The following BOD1L1 variants were observed in gnomAD, a reference collection of about 807,000 sequenced individuals.
The protein encoded by BOD1L1 is biorientation of chromosomes in cell division 1 like 1.
In BOD1L1, 86 loss-of-function variants were observed where a neutral mutation model predicts 240.7. The observed-to-expected ratio is 0.36, with a 90% CI of 0.30 to 0.43. BOD1L1 has a LOEUF of 0.43. Ranked by LOEUF, BOD1L1 falls within the 20% of genes least tolerant of loss-of-function variation. The probability of loss-of-function intolerance (pLI) is 1.00; values close to 1 mark genes in which losing one functional copy is unlikely to be tolerated. For synonymous variants in BOD1L1, 1,268 were observed against 1,272.3 expected, an observed-to-expected ratio of 1.00 and a Z score of 0.07; for missense variants, 3,554 against 3,643.5, an observed-to-expected ratio of 0.98 and a Z score of 0.63.
Position 13,601,328 on chromosome 4 carries a change from T to A in BOD1L1, c.5572A>T (p.Thr1858Ser), listed in dbSNP as rs139832214. The A allele has an allele frequency of 6.2e-7, 1 of 1,614,042 alleles. No homozygotes were observed. The highest frequency in any genetic ancestry group is 8.5e-7 in the Non-Finnish European group (1 of 1,179,906). The part of the protein sequence containing the change: ...PCDDEGIVTS[T>S]GAKEEDEEGE... ...TCCTCGTCTTCCTCTTTTGCGCCTGTGCTAGTCACAATGCCTTCATCATCA... is the reference window on the plus strand; with the variant it reads ...TCCTCGTCTTCCTCTTTTGCGCCTGAGCTAGTCACAATGCCTTCATCATCA... The change falls in exon 10 of 26, where the codon ACA (threonine) becomes TCA (serine). Residue 1858 changes from threonine (T) to serine (S), a missense_variant. Thr to Ser is a moderately conservative substitution (Grantham distance 58). Transcript: ENST00000040738.
At chr4:13,605,247 T>TA (rs1715600361) in intron 9 of BOD1L1, among the ~76,000 whole-genome samples, 163 bp from the exon 10 acceptor site, 2 of 152,122 alleles carry the variant, frequency 1.3e-5, no homozygotes, top group South Asian at 4.1e-4. Context: ...CACCTGATTT[T>TA]AAAAAATAAG....
At chr4:13,576,780 A>G in intron 25 of BOD1L1, 58 bp downstream of exon 25, 7 of 1,552,438 alleles carry the variant, frequency 4.5e-6, no homozygotes, top group East Asian at 2.3e-5. Flanking sequence ...AACCCAGAGC[A>G]ATTTTCAGAT....
intron 10 of BOD1L1, among the ~76,000 whole-genome samples, chr4:13,597,749 G>A (rs1714739120): frequency 6.6e-6 from 1 of 152,190 alleles, no homozygotes; most frequent in Non-Finnish European, 1.5e-5. Flanking sequence ...AAGGAGGAAT[G>A]AGTAATTGTA....
At chr4:13,619,672 C>A (rs898080628) in intron 2 of BOD1L1, among the ~76,000 whole-genome samples, 2 of 152,082 alleles carry the variant, frequency 1.3e-5, no homozygotes, top group African/African-American at 4.8e-5. Flanking sequence ...AATATTATAT[C>A]TAGATTTTTT....
chr4:13,571,619 G>A (rs920950398), intron 25 of BOD1L1, among the ~76,000 whole-genome samples: 1 of 152,152 alleles, frequency 6.6e-6, no homozygotes, highest in Non-Finnish European at 1.5e-5. Context: ...GTTTATCCAG[G>A]CCCTTCTAGT....
chr4:13,602,269 T>C lies in BOD1L1; in HGVS notation c.4631A>G (p.Glu1544Gly), dbSNP rs749724295. Residue 1544 changes from glutamate to glycine, a missense_variant, in exon 10 of 26, where the codon GAA becomes GGA. Physicochemically the swap from Glu to Gly is moderately conservative, Grantham distance 98 (BLOSUM62 -2). Around this residue, in one of 2 missense-constraint regions of BOD1L1, gnomAD observed 3,393 missense variants for 3,427.1 expected, o/e 0.99. Coordinates refer to ENST00000040738, the MANE Select transcript of BOD1L1 (RefSeq NM_148894.3). ...KAGPATTTSS[E>G]TRQSEVALPC... Reference sequence around the variant, plus strand: ...CAAAGCCACCTCACTTTGTCTTGTTTCTGAAGAAGTGGTTGTGGCAGGCCC... The same window carrying C: ...CAAAGCCACCTCACTTTGTCTTGTTCCTGAAGAAGTGGTTGTGGCAGGCCC... 1 of 1,614,008 alleles carries C rather than the reference T, an allele frequency of 6.2e-7. No homozygotes were observed. The highest frequency in any genetic ancestry group is 1.1e-5 in the South Asian group (1 of 91,076).
At position 13,600,304 on chromosome 4, in the gene BOD1L1, G is replaced by C; in HGVS notation, c.6596C>G (p.Pro2199Arg). Residue 2199 changes from proline (P) to arginine (R), a missense_variant, in exon 10 of 26, where the codon CCA (proline) becomes CGA (arginine). Physicochemically the swap from Pro to Arg is moderately radical, Grantham distance 103 (BLOSUM62 -2). Coordinates refer to ENST00000040738, the MANE Select transcript of BOD1L1 (RefSeq NM_148894.3). ...DFEGPMPSAP[P>R]EAESPLASTS... ...TGAGGCAAGAGGACTTTCAGCTTCT[G>C]GGGGCGCACTGGGCATAGGCCCCTC... 6.2e-7 allele frequency: 1 copy of C among 1,614,040 alleles called. No homozygotes were observed. Among genetic ancestry groups the C allele is most frequent in the Non-Finnish European group, 8.5e-7 (1 of 1,179,892 alleles).
intron 24 of BOD1L1, 84 bp from the exon 25 acceptor site, chr4:13,577,075 G>T: frequency 6.8e-7 from 1 of 1,466,956 alleles, no homozygotes. Context: ...TTAGAACTTA[G>T]GATATTAGGG....
At chr4:13,619,109 G>A (rs1164207128) in intron 2 of BOD1L1, among the ~76,000 whole-genome samples, 1 of 152,020 alleles carries the variant, frequency 6.6e-6, no homozygotes, top group Non-Finnish European at 1.5e-5. Context: ...GATCCCTTGA[G>A]CCTAGGATTT....
chr4:13,591,288 G>C (rs902843857), intron 13 of BOD1L1, among the ~76,000 whole-genome samples: 2 of 152,102 alleles, frequency 1.3e-5, no homozygotes, highest in Non-Finnish European at 2.9e-5. Flanking sequence ...TATGGTGTAT[G>C]AGTTTCTAGC....
chr4:13,574,367 C>T (rs543479780), intron 25 of BOD1L1, among the ~76,000 whole-genome samples: 14 of 152,066 alleles, frequency 9.2e-5, no homozygotes, highest in East Asian at 7.7e-4. Context: ...GACTGATCAA[C>T]CAATGCCAAG....
chr4:13,587,657 G>T, intron 16 of BOD1L1, 42 bp downstream of exon 16: 1 of 1,399,998 alleles, frequency 7.1e-7, no homozygotes, highest in South Asian at 1.3e-5. Flanking sequence ...TAAAAATAAT[G>T]ATTTTCAAAG....
intron 25 of BOD1L1, among the ~76,000 whole-genome samples, chr4:13,574,026 G>A (rs1487312908): frequency 6.6e-6 from 1 of 152,074 alleles, no homozygotes; most frequent in East Asian, 1.9e-4. Flanking sequence ...GCACAAACAG[G>A]GATGATGAAG....
At chr4:13,610,038 G>A (rs1445757768) in intron 6 of BOD1L1, among the ~76,000 whole-genome samples, 1 of 152,156 alleles carries the variant, frequency 6.6e-6, no homozygotes, top group African/African-American at 2.4e-5. Context: ...TAAGCCTGAA[G>A]GGAAGGCTAA....
chr4:13,627,217 T>C, intron 1 of BOD1L1, 128 bp downstream of exon 1: 3 of 382,688 alleles, frequency 7.8e-6, no homozygotes, highest in Non-Finnish European at 8.0e-6. Flanking sequence ...CGCTAAGGAA[T>C]GAACACTCTG....
Position 13,599,681 on chromosome 4 carries a change from C to T in BOD1L1, c.7219G>A (p.Gly2407Arg). 6.2e-7 allele frequency: 1 copy of T among 1,613,874 alleles called. No individual in the cohort carries two copies. Among genetic ancestry groups the T allele is most frequent in the Non-Finnish European group, 8.5e-7 (1 of 1,179,882 alleles). The stretch of plus-strand genomic sequence containing the variant: ...TTGTGGACTGATGGCCCGTTGTGCC[C>T]CTCCTCGGTGCTCACTGCCAACACG... ...GPVLAVSTEEGHNGPSVHKPS... is the reference protein window; with the variant it reads ...GPVLAVSTEERHNGPSVHKPS... The change falls in exon 10 of 26, where the codon GGG becomes AGG. Residue 2407 changes from glycine (G) to arginine (R), a missense_variant. Physicochemically the swap from Gly to Arg is moderately radical, Grantham distance 125. Around this residue, in one of 2 missense-constraint regions of BOD1L1, gnomAD observed 3,393 missense variants for 3,427.1 expected, o/e 0.99. Transcript: ENST00000040738.
chr4:13,587,329 G>A (rs1713785139), intron 16 of BOD1L1, among the ~76,000 whole-genome samples: 1 of 152,204 alleles, frequency 6.6e-6, no homozygotes, highest in Non-Finnish European at 1.5e-5. Context: ...TCAACAGTAT[G>A]AAGCACAGAA....
chr4:13,596,633 C>A (rs1714644002), intron 11 of BOD1L1, among the ~76,000 whole-genome samples: 1 of 151,486 alleles, frequency 6.6e-6, no homozygotes, highest in Admixed American at 6.6e-5. Context: ...GAAGCCACCA[C>A]AAATTTTAAG....
rs1713946635 is a variant in BOD1L1 at position 13,588,866 on chromosome 4, TA to T, written c.8210-75del. 8.9e-6 allele frequency: 10 copies of T among 1,120,432 alleles called. No individual in the cohort carries two copies. In the Admixed American group the frequency reaches 1.3e-4, roughly 14 times the overall value. The allele number at this position is 1,120,432 out of a possible 1,614,324, so 69.4% of individuals were successfully genotyped here. ...TTCCAATACTTACTTAGGTATGTGT[TA>T]GGGGGCTGGGAGAAAACTGAGTTAG... is the stretch of plus-strand genomic sequence containing the variant. On this transcript the variant is annotated intron_variant, in intron 14 of 25. Coordinates refer to ENST00000040738, the MANE Select transcript of BOD1L1 (RefSeq NM_148894.3).
Sources: gnomAD v4.1 joint callset for allele counts (sites outside exome capture counted in the v4.1 genomes callset) on GRCh38, gnomAD v4.1.1 for gene constraint, gnomAD v4.1.1 regional missense constraint, MANE v1.5 for transcripts, NCBI Gene and HGNC (gene_info 2026-07-23, HGNC 2026-07-21) for gene names.